The following CDH12 variants were observed in gnomAD, a reference collection of about 807,000 sequenced individuals.
CDH12 encodes the protein cadherin-12.
Under a neutral mutation model 74.1 loss-of-function variants are expected in CDH12, and 41 were observed. That is an observed-to-expected ratio of 0.55 (90% confidence interval 0.43 to 0.72). The LOEUF (loss-of-function observed/expected upper bound fraction) is 0.72, where lower values mean the gene tolerates loss of function less well. Ranked by LOEUF, CDH12 falls within the 30% of genes least tolerant of loss-of-function variation. The pLI, the probability that CDH12 is intolerant of heterozygous loss-of-function variation, is 0.00. For missense variants in CDH12, 945 were observed against 977.2 expected (o/e 0.97, Z 0.44); for synonymous variants, 399 against 355.0 (o/e 1.12, Z -1.39).
chr5:21,994,209 G>A (rs1248947680), intron 5 of CDH12, among the ~76,000 whole-genome samples: 1 of 151,920 alleles, frequency 6.6e-6, no homozygotes, highest in Non-Finnish European at 1.5e-5. Flanking sequence ...TACTCAGATG[G>A]TCCCCACCTC....
At chr5:21,797,009 A>C (rs887606667) in intron 10 of CDH12, among the ~76,000 whole-genome samples, 3 of 152,140 alleles carry the variant, frequency 2.0e-5, no homozygotes, top group Admixed American at 6.6e-5. Flanking sequence ...AATCTAGTGC[A>C]TCAAAAGGCG....
At chr5:22,372,858 T>G (rs1741355413) in intron 3 of CDH12, among the ~76,000 whole-genome samples, 1 of 152,084 alleles carries the variant, frequency 6.6e-6, no homozygotes, top group Non-Finnish European at 1.5e-5. Flanking sequence ...GGCCAGAAAC[T>G]TCCACATGCT....
intron 1 of CDH12, among the ~76,000 whole-genome samples, chr5:22,774,187 G>T (rs1415123473): frequency 6.6e-6 from 1 of 152,044 alleles, no homozygotes; most frequent in Non-Finnish European, 1.5e-5. Context: ...TATGTTCATT[G>T]TAGCACTATT....
chr5:22,184,020 TA>T (rs35625153), intron 4 of CDH12, among the ~76,000 whole-genome samples: 16,567 of 145,378 alleles, frequency 0.11, 964 homozygotes, highest in South Asian at 0.21. Flanking sequence ...ACCCTAGTGA[TA>T]AAAAAAAAAA....
At chr5:22,572,923 A>T (rs769790901) in intron 1 of CDH12, among the ~76,000 whole-genome samples, 1 of 152,198 alleles carries the variant, frequency 6.6e-6, no homozygotes, top group Non-Finnish European at 1.5e-5. Flanking sequence ...AGCAAGCATT[A>T]ATCTATTTTA....
intron 8 of CDH12, among the ~76,000 whole-genome samples, chr5:21,833,520 GATATGTCATATATT>G (rs368029830): frequency 5.0e-4 from 58 of 117,140 alleles, no homozygotes; most frequent in Admixed American, 1.1e-3. Context: ...TGGCATATGT[GATATGTCATATATT>G]ATATGTAATA....
chr5:22,295,386 C>G (rs1380724802), intron 3 of CDH12, among the ~76,000 whole-genome samples: 1 of 152,036 alleles, frequency 6.6e-6, no homozygotes, highest in African/African-American at 2.4e-5. Flanking sequence ...CCATTGCACA[C>G]AATACTACAG....
At chr5:22,070,400 G>C (rs1407187613) in intron 5 of CDH12, among the ~76,000 whole-genome samples, 1 of 152,126 alleles carries the variant, frequency 6.6e-6, no homozygotes, top group Admixed American at 6.6e-5. Context: ...TGTGATATTT[G>C]ATCAATCATG....
chr5:21,811,518 A>AAG (rs2149937110), intron 9 of CDH12, among the ~76,000 whole-genome samples: 1 of 152,160 alleles, frequency 6.6e-6, no homozygotes, highest in Non-Finnish European at 1.5e-5. Context: ...AGCAAAAAAA[A>AAG]CACTAGTGAC....
intron 1 of CDH12, among the ~76,000 whole-genome samples, chr5:22,626,165 C>T (rs573736536): frequency 1.3e-4 from 20 of 152,286 alleles, no homozygotes; most frequent in African/African-American, 4.3e-4. Context: ...GGCACTCTGC[C>T]TCACCATTGT....
intron 3 of CDH12, among the ~76,000 whole-genome samples, chr5:22,318,393 C>A (rs1022743385): frequency 2.0e-5 from 3 of 152,174 alleles, no homozygotes; most frequent in Non-Finnish European, 4.4e-5. Context: ...TATTCAGGAA[C>A]ATATGTGCAC....
At chr5:22,366,978 T>C (rs1741060841) in intron 3 of CDH12, among the ~76,000 whole-genome samples, 1 of 152,212 alleles carries the variant, frequency 6.6e-6, no homozygotes, top group African/African-American at 2.4e-5. Context: ...TTATATAAGA[T>C]TGTGGTTTTT....
chr5:22,148,615 AG>A (rs775613108), intron 4 of CDH12, among the ~76,000 whole-genome samples: 26 of 152,264 alleles, frequency 1.7e-4, no homozygotes, highest in Non-Finnish European at 3.8e-4. Flanking sequence ...GTCAGAAAGC[AG>A]CAGAGTTGGT....
At chr5:22,498,617 A>G (rs1373044542) in intron 2 of CDH12, among the ~76,000 whole-genome samples, 2 of 151,950 alleles carry the variant, frequency 1.3e-5, no homozygotes, top group African/African-American at 4.8e-5. Flanking sequence ...TTTGAAATAC[A>G]AAAGCATTTA....
chr5:22,220,839 T>C (rs1485745367), intron 3 of CDH12, among the ~76,000 whole-genome samples: 2 of 151,742 alleles, frequency 1.3e-5, no homozygotes, highest in Non-Finnish European at 3.0e-5. Flanking sequence ...ACCAATGCCT[T>C]AGGGTTGACT....
rs1580068374 is a variant in CDH12 at position 21,984,754 on chromosome 5, C to T, written c.232-9369G>A. The stretch of plus-strand genomic sequence containing the variant: ...CATATTAAGTAAAACTTGCAATCAA[C>T]AGAAAAAATAGAAGTAATTATATGA... On this transcript the variant is annotated intron_variant, in intron 5 of 14. Transcript: ENST00000382254. 3.3e-5 allele frequency among the ~76,000 whole-genome samples: 5 copies of T among 152,206 alleles called. No homozygotes were observed. In the East Asian group the frequency reaches 7.7e-4, roughly 23 times the overall value.
chr5:21,984,960 G>T (rs1416669904), intron 5 of CDH12, among the ~76,000 whole-genome samples: 1 of 151,994 alleles, frequency 6.6e-6, no homozygotes, highest in Non-Finnish European at 1.5e-5. Context: ...CATTGTCACA[G>T]TTTCAGTTAA....
intron 1 of CDH12, among the ~76,000 whole-genome samples, chr5:22,599,928 A>G (rs1736777370): frequency 6.6e-6 from 1 of 152,202 alleles, no homozygotes; most frequent in Non-Finnish European, 1.5e-5. Flanking sequence ...TTGTGGATTT[A>G]TGTAGCTTCC....
intron 1 of CDH12, among the ~76,000 whole-genome samples, chr5:22,779,077 T>C (rs1218233102): frequency 6.6e-6 from 1 of 152,148 alleles, no homozygotes; most frequent in Non-Finnish European, 1.5e-5. Context: ...ATTTTCTGTT[T>C]ATTTTTATTT....
Sources: gnomAD v4.1 joint callset for allele counts (sites outside exome capture counted in the v4.1 genomes callset) on GRCh38, gnomAD v4.1.1 for gene constraint, MANE v1.5 for transcripts, NCBI Gene and HGNC (gene_info 2026-07-23, HGNC 2026-07-21) for gene names.